KRT75: variants seen among roughly 807,000 people sequenced by gnomAD.
KRT75 encodes keratin 75.
KRT75 carries 35 observed loss-of-function variants against 48.8 expected under a neutral mutation model. The observed-to-expected ratio is 0.72, with a 90% CI of 0.55 to 0.95. The LOEUF is 0.95. KRT75 is among the 40% of genes least tolerant of loss of function. KRT75 has a pLI of 0.00. For missense variants in KRT75, 776 were observed against 709.9 expected (o/e 1.09, Z -1.06); for synonymous variants, 301 against 282.3 (o/e 1.07, Z -0.66).
In KRT75 at chr12:52,433,778, C is replaced by T. The variant is rs778035208; in HGVS notation, c.498+29G>A. 2.6e-5 allele frequency: 42 copies of T among 1,613,768 alleles called. No individual in the cohort carries two copies. The South Asian group carries it at 3.0e-4, about 11-fold the overall frequency. ...TCCAAGAGTTTATTTGATCCCAAAC[C>T]CAAGGGGGTGGATGAAGCCCCTGCT... is the stretch of plus-strand genomic sequence containing the variant. On this transcript the variant is annotated intron_variant, in intron 1 of 8. Transcript: ENST00000252245.
Position 52,431,539 on chromosome 12 carries a change from T to A in KRT75, c.870+4A>T, listed in dbSNP as rs762819972. Reference sequence around the variant, plus strand: ...GAGAGACAGAAATACTTGCAGACTCTTACTGCATCAAAGACTGAGTGGATG... The same window carrying A: ...GAGAGACAGAAATACTTGCAGACTCATACTGCATCAAAGACTGAGTGGATG... On this transcript the variant is annotated splice_donor_region_variant and intron_variant, in intron 4 of 8. Coordinates refer to ENST00000252245, the MANE Select transcript of KRT75 (RefSeq NM_004693.3). 3 of 1,593,110 alleles carry A rather than the reference T, an allele frequency of 1.9e-6. No individual in the cohort carries two copies. Among genetic ancestry groups the A allele is most frequent in the South Asian group, 1.1e-5 (1 of 90,738 alleles).
rs573940774 is a variant in KRT75, at chr12:52,433,999, A to G, written c.306T>C (p.Gly102=). Residue 102 remains glycine, a synonymous_variant, in exon 1 of 9, where the codon GGT becomes GGC. Transcript: ENST00000252245. ...FGVNSGFGYG[G]GVGGGFSGPS... ...GGCCACTGAAGCCTCCTCCAACTCC[A>G]CCCCCATAGCCAAATCCACTGTTGA... 2 of 1,613,592 alleles carry G rather than the reference A, an allele frequency of 1.2e-6. No homozygotes were observed. Among genetic ancestry groups the G allele is most frequent in the East Asian group, 2.2e-5 (1 of 44,846 alleles).
intron 4 of KRT75, among the ~76,000 whole-genome samples, chr12:52,431,052 T>C (rs1940138157): frequency 6.6e-6 from 1 of 152,224 alleles, no homozygotes; most frequent in Non-Finnish European, 1.5e-5. Context: ...TGCTTCCCCC[T>C]GCACAGTGTG....
At chr12:52,431,512 A>C in intron 4 of KRT75, 31 bp downstream of exon 4, 1 of 1,444,058 alleles carries the variant, frequency 6.9e-7, no homozygotes, top group Non-Finnish European at 9.8e-7. Context: ...CTCCAGACCT[A>C]GGAGAGACAG....
Position 52,433,925 on chromosome 12 carries a change from T to A in KRT75, c.380A>T (p.Asn127Ile), listed in dbSNP as rs1362267758. 1.2e-6 allele frequency: 2 copies of A among 1,613,972 alleles called. No homozygotes were observed. Among genetic ancestry groups the A allele is most frequent in the African/African-American group, 2.7e-5 (2 of 74,890 alleles). Residue 127 changes from asparagine (N) to isoleucine (I), a missense_variant, in exon 1 of 9, where the codon AAC (asparagine) becomes ATC (isoleucine). Asn to Ile is a moderately radical substitution (Grantham distance 149). Coordinates refer to ENST00000252245, the MANE Select transcript of KRT75 (RefSeq NM_004693.3). ...GTGAAGAGGAGTCAGGAGACTCTGG[T>A]TGACAGTGACCTCTTGGATGCCTCC... is the stretch of plus-strand genomic sequence containing the variant. ...PPGGIQEVTV[N>I]QSLLTPLHLQ...
rs768683532 is a variant in KRT75 at position 52,434,123 on chromosome 12, C to T, written c.182G>A (p.Ser61Asn). 6.8e-6 allele frequency: 11 copies of T among 1,614,164 alleles called. No homozygotes were observed. The highest frequency in any genetic ancestry group is 9.3e-6 in the Non-Finnish European group (11 of 1,180,010). The change falls in exon 1 of 9, where the codon AGC becomes AAC. Residue 61 changes from serine (S) to asparagine (N), a missense_variant. Ser to Asn is a conservative substitution (Grantham distance 46, BLOSUM62 1). Coordinates refer to ENST00000252245, the MANE Select transcript of KRT75 (RefSeq NM_004693.3). ...SSAGASFGSR[S>N]LYNLGGAKRV... The stretch of plus-strand genomic sequence containing the variant: ...CTTGGCACCCCCCAGGTTGTAGAGG[C>T]TGCGGCTTCCAAAGCTGGCCCCAGC...
Position 52,434,164 on chromosome 12 carries a change from C to T in KRT75, c.141G>A (p.Leu47=), listed in dbSNP as rs770023051. 1.2e-6 allele frequency: 2 copies of T among 1,613,334 alleles called. No individual in the cohort carries two copies. The highest frequency in any genetic ancestry group is 1.7e-6 in the Non-Finnish European group (2 of 1,179,488). Residue 47 remains leucine, a synonymous_variant, in exon 1 of 9, where the codon CTG becomes CTA. Transcript: ENST00000252245. ...TGGCCCCAGCACTGCTGATCCTTCCCAGGCCCCCACTCCCTGCTGCAGAGC... is the reference window on the plus strand; with the variant it reads ...TGGCCCCAGCACTGCTGATCCTTCCTAGGCCCCCACTCCCTGCTGCAGAGC... ...VARSAAGSGG[L]GRISSAGASF... is the part of the protein sequence containing the mutation.
At chr12:52,430,959 A>G (rs898361482) in intron 4 of KRT75, among the ~76,000 whole-genome samples, 1 of 152,184 alleles carries the variant, frequency 6.6e-6, no homozygotes, top group African/African-American at 2.4e-5. Context: ...AATTGGAATT[A>G]CATAGATTTG....
chr12:52,434,366 A>T lies in KRT75; in HGVS notation c.-62T>A. 6.6e-7 allele frequency: 1 copy of T among 1,520,030 alleles called. No individual in the cohort carries two copies. Among genetic ancestry groups the T allele is most frequent in the Non-Finnish European group, 8.8e-7 (1 of 1,142,288 alleles). 94.2% of individuals were successfully genotyped at this position (1,520,030 alleles called of 1,614,324 possible). ...TGGGCTGGTACAGGCAGTGGAGAAG[A>T]CAGGTGGCTGGAGAGCCCTGGTCTC... On this transcript the variant is annotated 5_prime_UTR_variant, in exon 1 of 9. Coordinates refer to ENST00000252245, the MANE Select transcript of KRT75 (RefSeq NM_004693.3).
rs1178525579 is a variant in KRT75 at position 52,433,093 on chromosome 12, T to A, written c.658A>T (p.Arg220Trp). ...ATGTTCCTCAGTTCAGCTTCAAGCC[T>A]GCCCCTCTCGGTGGTGATGCTTTCC... ...QLESITTERGRLEAELRNMQD... is the reference protein window; with the variant it reads ...QLESITTERGWLEAELRNMQD... Residue 220 changes from arginine to tryptophan, a missense_variant, in exon 2 of 9, where the codon AGG becomes TGG. Physicochemically the swap from Arg to Trp is moderately radical, Grantham distance 101 (BLOSUM62 -3). Transcript: ENST00000252245. The A allele has an allele frequency of 6.2e-7, 1 of 1,614,008 alleles. No individual in the cohort carries two copies. Among genetic ancestry groups the A allele is most frequent in the Admixed American group, 1.7e-5 (1 of 60,000 alleles).
chr12:52,430,421 T>G, intron 5 of KRT75, 120 bp downstream of exon 5: 1 of 1,062,022 alleles, frequency 9.4e-7, no homozygotes, highest in South Asian at 1.3e-5. Flanking sequence ...ATCAAAGACA[T>G]GCCTGCTAAG....
In KRT75 at chr12:52,426,824, A is replaced by T. The variant is rs548265768; in HGVS notation, c.1410T>A (p.Val470=). 9 of 1,614,136 alleles carry T rather than the reference A, an allele frequency of 5.6e-6. No homozygotes were observed. The highest frequency in any genetic ancestry group is 1.7e-6 in the Non-Finnish European group (2 of 1,179,988). Residue 470 remains valine (V), a synonymous_variant, in exon 8 of 9, where the codon GTT becomes GTA. Transcript: ENST00000252245. Reference sequence around the variant, plus strand: ...GAAGTATGTCATACTCACAAATGTTAACTGGAGAAACTCCCTCTCCACTCA... The same window carrying T: ...GAAGTATGTCATACTCACAAATGTTTACTGGAGAAACTCCCTCTCCACTCA... The part of the protein sequence containing the change: ...CRLSGEGVSP[V]NISVVTSTLS...
In KRT75 at chr12:52,430,812, C is replaced by A. The variant is rs1204034051; in HGVS notation, c.871-107G>T. 6 of 1,213,200 alleles carry A rather than the reference C, an allele frequency of 4.9e-6. No homozygotes were observed. In the Admixed American group the frequency reaches 6.9e-5, roughly 14 times the overall value. 75.2% of individuals were successfully genotyped at this position (1,213,200 alleles called of 1,614,324 possible). On this transcript the variant is annotated intron_variant, in intron 4 of 8. Transcript: ENST00000252245. ...GGAATCCTTTCCTTGGTATTCCTGG[C>A]AGATTCTCCCAGCTATTCCCTAGGT...
chr12:52,433,787 T>C lies in KRT75; in HGVS notation c.498+20A>G, dbSNP rs544385817. On this transcript the variant is annotated intron_variant, in intron 1 of 8. Transcript: ENST00000252245. ...TTATTTGATCCCAAACCCAAGGGGG[T>C]GGATGAAGCCCCTGCTTACCTTGTC... The C allele has an allele frequency of 1.9e-6, 3 of 1,613,672 alleles. No homozygotes were observed. The African/African-American group carries it at 4.0e-5, about 22-fold the overall frequency.
rs973028243 is a variant in KRT75 at position 52,431,694 on chromosome 12, A to T, written c.775-56T>A. On this transcript the variant is annotated intron_variant, in intron 3 of 8. Coordinates refer to ENST00000252245, the MANE Select transcript of KRT75 (RefSeq NM_004693.3). The stretch of plus-strand genomic sequence containing the variant: ...GTCTGCAGCCCCAAGTATCTAGTCC[A>T]AAAGAAGCTGAGCAGATTTCTCCCC... 5.4e-6 allele frequency: 7 copies of T among 1,291,960 alleles called. No individual in the cohort carries two copies. In the African/African-American group the frequency reaches 8.8e-5, roughly 16 times the overall value. The allele number at this position is 1,291,960 out of a possible 1,614,324, so 80.0% of individuals were successfully genotyped here. A position where few individuals can be genotyped will look rare whatever the true frequency, so the allele number is the denominator to read the frequency against.
At chr12:52,432,962 C>T (rs2121513149) in intron 2 of KRT75, 76 bp downstream of exon 2, 1 of 1,467,978 alleles carries the variant, frequency 6.8e-7, no homozygotes, top group Non-Finnish European at 9.5e-7. Context: ...GCATTTGCTC[C>T]TTTGCACCTC....
chr12:52,427,273 C>A (rs1442708938), intron 7 of KRT75, among the ~76,000 whole-genome samples: 1 of 152,188 alleles, frequency 6.6e-6, no homozygotes, highest in Non-Finnish European at 1.5e-5. Flanking sequence ...GCGTCTGAGT[C>A]ATAAAAATAA....
intron 2 of KRT75, among the ~76,000 whole-genome samples, chr12:52,432,606 A>C (rs935487577): frequency 6.6e-6 from 1 of 152,152 alleles, no homozygotes; most frequent in Non-Finnish European, 1.5e-5. Context: ...TGCAGTCAAA[A>C]GTTTCCCCCC....
intron 7 of KRT75, among the ~76,000 whole-genome samples, chr12:52,427,867 A>G (rs1940093171): frequency 6.6e-6 from 1 of 152,190 alleles, no homozygotes; most frequent in South Asian, 2.1e-4. Context: ...ATTGAGGGCC[A>G]GAGAAGGGAG....
Sources: gnomAD v4.1 joint callset for allele counts (sites outside exome capture counted in the v4.1 genomes callset) on GRCh38, gnomAD v4.1.1 for gene constraint, MANE v1.5 for transcripts, NCBI Gene and HGNC (gene_info 2026-07-23, HGNC 2026-07-21) for gene names.